FRYL: variants seen among roughly 807,000 people sequenced by gnomAD.
FRYL encodes the protein FRY like transcription coactivator.
A neutral mutation model predicts 351.2 loss-of-function variants in FRYL; 150 were observed. That is an observed-to-expected ratio of 0.43 (90% CI 0.37 to 0.49). FRYL has a LOEUF of 0.49. FRYL is among the 20% of genes least tolerant of loss of function. The pLI is 0.00. For synonymous variants in FRYL, 1,153 were observed against 1,257.1 expected, an observed-to-expected ratio of 0.92 and a Z score of 1.75; for missense variants, 3,036 against 3,619.3, an observed-to-expected ratio of 0.84 and a Z score of 4.13.
chr4:48,638,813 G>A (rs1317831904), intron 3 of FRYL, among the ~76,000 whole-genome samples: 2 of 152,062 alleles, frequency 1.3e-5, no homozygotes, highest in Non-Finnish European at 2.9e-5. Context: ...GCGGGGATAC[G>A]GATGAGGCTG....
chr4:48,710,702 G>C lies in FRYL; in HGVS notation c.-383-4C>G, dbSNP rs1022883590. ...GCAGAATATGGAATGTTCTAGGCTG[G>C]AAGATTAAAAAATAGGAAATATGGT... On this transcript the variant is annotated splice_region_variant and splice_polypyrimidine_tract_variant and intron_variant, in intron 1 of 63. Coordinates refer to ENST00000358350, the MANE Select transcript of FRYL (RefSeq NM_015030.2). 1.3e-5 allele frequency: 5 copies of C among 397,444 alleles called. No individual in the cohort carries two copies. The highest frequency in any genetic ancestry group is 1.0e-4 in the African/African-American group (5 of 48,614). The allele number at this position is 397,444 out of a possible 1,614,324, so 24.6% of individuals were successfully genotyped here.
At chr4:48,616,516 CCAAAGTTA>C (rs935963349) in intron 7 of FRYL, among the ~76,000 whole-genome samples, 4 of 151,898 alleles carry the variant, frequency 2.6e-5, no homozygotes, top group African/African-American at 9.7e-5. Context: ...AATAACTTGC[CCAAAGTTA>C]CAAAGCAAGC....
intron 33 of FRYL, among the ~76,000 whole-genome samples, chr4:48,558,011 CAAAAAA>C (rs1734518231): frequency 2.0e-5 from 3 of 151,864 alleles, no homozygotes; most frequent in Non-Finnish European, 4.4e-5. Context: ...GATGGTTCCT[CAAAAAA>C]ATAAAAATAG....
chr4:48,517,635 C>A (rs1723912123), intron 55 of FRYL, among the ~76,000 whole-genome samples: 1 of 152,150 alleles, frequency 6.6e-6, no homozygotes, highest in Non-Finnish European at 1.5e-5. Context: ...AAAAGAAACC[C>A]TCTGTGAGTA....
chr4:48,595,678 G>A lies in FRYL; in HGVS notation c.1160C>T (p.Ser387Leu). 2 of 1,611,738 alleles carry A rather than the reference G, an allele frequency of 1.2e-6. No individual in the cohort carries two copies. Among genetic ancestry groups the A allele is most frequent in the Non-Finnish European group, 8.5e-7 (1 of 1,178,172 alleles). ...TCGTGAGCCTTTTGGAAAAAGTGCT[G>A]ACACTATGCTCATAAGACGACTACA... ...VTQSRLMSIV[S>L]ALFPKGSRSV... is the part of the protein sequence containing the mutation. Residue 387 changes from serine (S) to leucine (L), a missense_variant, in exon 15 of 64, where the codon TCA (serine) becomes TTA (leucine). This residue lies in a region of FRYL where 457 missense variants were observed against 566.6 expected (regional missense o/e 0.81). Transcript: ENST00000358350.
rs142811981 is a variant in FRYL, at chr4:48,626,962, G to A, written c.121-3783C>T. Among the ~76,000 whole-genome samples the A allele has an allele frequency of 1.5e-4, 23 of 152,108 alleles. No individual in the cohort carries two copies. The East Asian group carries it at 2.5e-3, about 17-fold the overall frequency. On this transcript the variant is annotated intron_variant, in intron 4 of 63. Coordinates refer to ENST00000358350, the MANE Select transcript of FRYL (RefSeq NM_015030.2). ...GATTTGGGGAACGTCTTTAGTACTC[G>A]GGTCTCTGGGGTTAAGCATATTTGG... is the stretch of plus-strand genomic sequence containing the variant.
intron 1 of FRYL, among the ~76,000 whole-genome samples, chr4:48,741,413 G>A (rs1405823244): frequency 5.3e-5 from 8 of 152,072 alleles, no homozygotes; most frequent in Admixed American, 2.0e-4. Context: ...GGTGGTACAC[G>A]CCTGTAGTCC....
At chr4:48,721,597 A>G (rs1319235633) in intron 1 of FRYL, among the ~76,000 whole-genome samples, 1 of 152,186 alleles carries the variant, frequency 6.6e-6, no homozygotes, top group Non-Finnish European at 1.5e-5. Flanking sequence ...TACACAGCTT[A>G]AAACTTGAAC....
chr4:48,613,491 C>T (rs1748667161), intron 7 of FRYL, among the ~76,000 whole-genome samples: 2 of 152,172 alleles, frequency 1.3e-5, no homozygotes, highest in Admixed American at 1.3e-4. Context: ...ATGCTATGTG[C>T]TCTTTGTTGC....
rs574919810 is a variant in FRYL at position 48,701,256 on chromosome 4, A to AAG, written c.-204+9261_-204+9262dup. ...GGAGACAAAAACAACTATTTAATTC[A>AAG]AGAGGTGATCCAAAGAAACTAAAAG... On this transcript the variant is annotated intron_variant, in intron 2 of 63. Transcript: ENST00000358350. Among the ~76,000 whole-genome samples, 193 of 152,234 alleles carry AAG rather than the reference A, an allele frequency of 1.3e-3. 5 individuals carry two copies. The highest frequency in any genetic ancestry group is 3.5e-4 in the Non-Finnish European group (24 of 68,044).
At chr4:48,702,402 G>A (rs1282146079) in intron 2 of FRYL, among the ~76,000 whole-genome samples, 1 of 137,992 alleles carries the variant, frequency 7.2e-6, no homozygotes, top group Non-Finnish European at 1.5e-5. Context: ...GTTGCAGTGA[G>A]TCGAGAATGT....
At chr4:48,604,046 A>G (rs1746238568) in intron 11 of FRYL, among the ~76,000 whole-genome samples, 1 of 152,110 alleles carries the variant, frequency 6.6e-6, no homozygotes, top group Admixed American at 6.5e-5. Context: ...CCCTGTTTAC[A>G]TTTCTTCACA....
chr4:48,507,422 C>T (rs377196524), intron 59 of FRYL, among the ~76,000 whole-genome samples: 1 of 150,190 alleles, frequency 6.7e-6, no homozygotes, highest in East Asian at 2.0e-4. Context: ...TTTTAACTGT[C>T]GAGGTTCTAC....
chr4:48,733,982 A>G (rs981762336), intron 1 of FRYL, among the ~76,000 whole-genome samples: 4 of 152,204 alleles, frequency 2.6e-5, no homozygotes, highest in African/African-American at 9.6e-5. Flanking sequence ...TAAAAAGAGT[A>G]GAAGACAAAA....
intron 3 of FRYL, among the ~76,000 whole-genome samples, chr4:48,674,736 CAAAAAAAA>C (rs58696045): frequency 1.8e-5 from 1 of 55,774 alleles, no homozygotes; most frequent in East Asian, 5.9e-4. Context: ...GACTCTGTCT[CAAAAAAAA>C]AAAAAAAAAA....
chr4:48,662,413 TA>T (rs960323626), intron 3 of FRYL, among the ~76,000 whole-genome samples: 6 of 151,502 alleles, frequency 4.0e-5, no homozygotes, highest in Non-Finnish European at 8.8e-5. Context: ...ACCCTGTCTC[TA>T]AAAAAAATAA....
intron 3 of FRYL, among the ~76,000 whole-genome samples, chr4:48,662,356 T>C (rs1004480025): frequency 6.6e-5 from 10 of 151,886 alleles, no homozygotes; most frequent in African/African-American, 2.2e-4. Context: ...GCCTAGGAGT[T>C]TGACGTTACT....
chr4:48,753,450 A>T (rs1019182400), intron 1 of FRYL, among the ~76,000 whole-genome samples: 3 of 152,128 alleles, frequency 2.0e-5, no homozygotes, highest in African/African-American at 4.8e-5. Flanking sequence ...ATTGCAATAT[A>T]ATTCATATAC....
At chr4:48,641,184 A>G (rs1755241246) in intron 3 of FRYL, among the ~76,000 whole-genome samples, 1 of 152,102 alleles carries the variant, frequency 6.6e-6, no homozygotes, top group African/African-American at 2.4e-5. Flanking sequence ...AGAGGAAAAA[A>G]GGAAATATAA....
Sources: gnomAD v4.1 joint callset for allele counts (sites outside exome capture counted in the v4.1 genomes callset) on GRCh38, gnomAD v4.1.1 for gene constraint, gnomAD v4.1.1 regional missense constraint, MANE v1.5 for transcripts, NCBI Gene and HGNC (gene_info 2026-07-23, HGNC 2026-07-21) for gene names.